The following ATG2B variants were observed in gnomAD, a reference collection of about 807,000 sequenced individuals.
The protein encoded by ATG2B is autophagy related 2B, also known as autophagy-related protein 2 homolog B.
ATG2B carries 121 observed loss-of-function variants against 241.3 expected under a neutral mutation model. That is an observed-to-expected ratio of 0.50 (90% CI 0.43 to 0.58). The LOEUF (loss-of-function observed/expected upper bound fraction) is 0.58, where lower values mean the gene tolerates loss of function less well. Among genes scored for constraint, ATG2B ranks in the 20% least tolerant of loss-of-function variants. The pLI is 0.00. For missense variants in ATG2B, 2,306 were observed against 2,491.6 expected, an observed-to-expected ratio of 0.93 and a Z score of 1.59; for synonymous variants, 858 against 876.6, an observed-to-expected ratio of 0.98 and a Z score of 0.37.
At chr14:96,344,852 T>C (rs1041027087) in intron 3 of ATG2B, 96 bp from the exon 4 acceptor site, 8 of 531,090 alleles carry the variant, frequency 1.5e-5, no homozygotes, top group Non-Finnish European at 2.5e-5. Flanking sequence ...ATAAGAACTT[T>C]TGTTTACAAA....
rs117614273 is a variant in ATG2B at position 96,283,033 on chromosome 14, T to A, written c.*2722A>T. 0.017 allele frequency: 2,659 copies of A among 152,328 alleles called. 36 individuals are homozygous for A. The highest frequency in any genetic ancestry group is 0.048 in the Middle Eastern group (14 of 294). The allele number at this position is 152,328 out of a possible 1,614,324, so 9.4% of individuals were successfully genotyped here. On this transcript the variant is annotated 3_prime_UTR_variant, in exon 42 of 42. Transcript: ENST00000359933. ...GACATCTAGAAGAAACACTGAGTTA[T>A]CTAAAAGGCAATGTTCAGTGGTGGG...
chr14:96,344,614 T>TA (rs1194322091), intron 4 of ATG2B, 40 bp downstream of exon 4: 1 of 1,156,788 alleles, frequency 8.6e-7, no homozygotes, highest in Non-Finnish European at 1.3e-6. Flanking sequence ...ATATCAGAGT[T>TA]ACAATAGGGT....
chr14:96,291,609 T>A lies in ATG2B; in HGVS notation c.5570A>T (p.Tyr1857Phe). 1 of 1,599,392 alleles carries A rather than the reference T, an allele frequency of 6.3e-7. No individual in the cohort carries two copies. Among genetic ancestry groups the A allele is most frequent in the Non-Finnish European group, 8.5e-7 (1 of 1,170,358 alleles). The change falls in exon 38 of 42, where the codon TAT (tyrosine) becomes TTT (phenylalanine). Residue 1857 changes from tyrosine (Y) to phenylalanine (F), a missense_variant. Physicochemically the swap from Tyr to Phe is conservative, Grantham distance 22. Around this residue, in one of 2 missense-constraint regions of ATG2B, gnomAD observed 379 missense variants for 480.4 expected, o/e 0.79. Transcript: ENST00000359933. ...CSELKLKRLS[Y>F]RHGLLGVDKL... ...TAATAAATTCACTTACCCATGTCGA[T>A]AGGAAAGCCTCTTGAGCTTTAGTTC...
rs370871728 is a variant in ATG2B at position 96,308,204 on chromosome 14, A to G, written c.4303+1249T>C. Among the ~76,000 whole-genome samples the G allele has an allele frequency of 3.8e-5, 5 of 132,908 alleles. No homozygotes were observed. In the East Asian group the frequency reaches 1.1e-3, roughly 28 times the overall value. 87.2% of individuals were successfully genotyped at this position (132,908 alleles called of 152,430 possible). On this transcript the variant is annotated intron_variant, in intron 29 of 41. Transcript: ENST00000359933. The stretch of plus-strand genomic sequence containing the variant: ...AATACATAAATATATATATACATAT[A>G]TATATAAATACATAAATATATATAT...
Position 96,332,583 on chromosome 14 carries a change from T to A in ATG2B, c.1280A>T (p.Asp427Val), listed in dbSNP as rs1372814264. Reference sequence around the variant, plus strand: ...TAACTCAAGGTCCATGTTTGGGGGGTCCCCAAGGGGTGGAAGAGAAGAGAG... The same window carrying A: ...TAACTCAAGGTCCATGTTTGGGGGGACCCCAAGGGGTGGAAGAGAAGAGAG... ...HSLSSLPPLG[D>V]PPNMDLELSL... Residue 427 changes from aspartate (D) to valine (V), a missense_variant, in exon 9 of 42, where the codon GAC becomes GTC. By Grantham distance (152) the Asp-to-Val change is radical (BLOSUM62 -3). Coordinates refer to ENST00000359933, the MANE Select transcript of ATG2B (RefSeq NM_018036.7). The A allele has an allele frequency of 3.7e-6, 6 of 1,610,012 alleles. No homozygotes were observed. The African/African-American group carries it at 4.0e-5, about 11-fold the overall frequency.
At chr14:96,298,389 ACTTAT>A (rs1170146170) in intron 34 of ATG2B, among the ~76,000 whole-genome samples, 3 of 152,338 alleles carry the variant, frequency 2.0e-5, no homozygotes, top group Middle Eastern at 3.4e-3. Context: ...CTCAACATAT[ACTTAT>A]CTTATGACCC....
Position 96,328,472 on chromosome 14 carries a change from C to A in ATG2B, c.2038G>T (p.Val680Leu). The change falls in exon 14 of 42, where the codon GTG becomes TTG. Residue 680 changes from valine (V) to leucine (L), a missense_variant. Transcript: ENST00000359933. ...KAELQIKLNP[V>L]CCELDISIVD... ...ATACTGATATCCAGCTCACAACACA[C>A]TGGATTTAATTTAATTTGCAATTCT... 6.2e-7 allele frequency: 1 copy of A among 1,613,062 alleles called. No homozygotes were observed. The highest frequency in any genetic ancestry group is 8.5e-7 in the Non-Finnish European group (1 of 1,179,806).
intron 29 of ATG2B, among the ~76,000 whole-genome samples, chr14:96,308,239 T>TATATACATATATAC (rs1887022147): frequency 2.9e-4 from 5 of 17,476 alleles, no homozygotes; most frequent in Non-Finnish European, 6.3e-4. Flanking sequence ...TACATATATA[T>TATATACATATATAC]ATATATATAT....
chr14:96,308,282 A>ATATATATATATT (rs1566720002), intron 29 of ATG2B, among the ~76,000 whole-genome samples: 1 of 37,034 alleles, frequency 2.7e-5, no homozygotes, highest in Non-Finnish European at 5.1e-5. Flanking sequence ...ATATATATAT[A>ATATATATATATT]TTTTTTTTTT....
chr14:96,345,396 T>C lies in ATG2B; in HGVS notation c.326-11A>G, dbSNP rs1261749600. 1.9e-6 allele frequency: 3 copies of C among 1,580,138 alleles called. No homozygotes were observed. The highest frequency in any genetic ancestry group is 2.3e-5 in the East Asian group (1 of 43,720). On this transcript the variant is annotated splice_polypyrimidine_tract_variant and intron_variant, in intron 2 of 41. Coordinates refer to ENST00000359933, the MANE Select transcript of ATG2B (RefSeq NM_018036.7). ...GCTCAGAACCAGTTGCTGTGGAAAA[T>C]ATAAATTAATCCTAAATAATTTCTT...
Position 96,323,425 on chromosome 14 carries a change from G to GA in ATG2B, c.2540+470dup, listed in dbSNP as rs1338883981. On this transcript the variant is annotated intron_variant, in intron 16 of 41. Transcript: ENST00000359933. ...CCACCCATTGTTATAAGGAGGCATG[G>GA]AACCCTCAAAGAGAATAGCTGTGCT... 3.9e-5 allele frequency among the ~76,000 whole-genome samples: 6 copies of GA among 152,280 alleles called. No individual in the cohort carries two copies. The South Asian group carries it at 8.3e-4, about 21-fold the overall frequency.
Position 96,311,170 on chromosome 14 carries a change from G to C in ATG2B, c.4108C>G (p.Gln1370Glu). The change falls in exon 28 of 42, where the codon CAG (glutamine) becomes GAG (glutamate). Residue 1370 changes from glutamine to glutamate, a missense_variant. This residue lies in a region of ATG2B where 1,927 missense variants were observed against 2,011.2 expected (regional missense o/e 0.96). Transcript: ENST00000359933. ...IQYIASYGDL[Q>E]TPNKADMKPG... ...TTCATATCTGCCTTGTTAGGTGTCTGCAAGTCACCATAGCTTGCAATGTAC... is the reference window on the plus strand; with the variant it reads ...TTCATATCTGCCTTGTTAGGTGTCTCCAAGTCACCATAGCTTGCAATGTAC... 1 of 1,613,866 alleles carries C rather than the reference G, an allele frequency of 6.2e-7. No individual in the cohort carries two copies. Among genetic ancestry groups the C allele is most frequent in the Middle Eastern group, 1.7e-4 (1 of 6,060 alleles).
chr14:96,340,483 G>A (rs985855486), intron 6 of ATG2B, among the ~76,000 whole-genome samples: 2 of 151,976 alleles, frequency 1.3e-5, no homozygotes, highest in Non-Finnish European at 2.9e-5. Flanking sequence ...TCATAGGCAG[G>A]AGCTAAAAAA....
intron 29 of ATG2B, among the ~76,000 whole-genome samples, chr14:96,308,276 A>T (rs1246456754): frequency 0.016 from 438 of 27,100 alleles, 30 homozygotes; most frequent in African/African-American, 0.065. Flanking sequence ...ATATATATAT[A>T]TATATATTTT....
intron 34 of ATG2B, among the ~76,000 whole-genome samples, chr14:96,297,283 A>G (rs1264609165): frequency 6.6e-6 from 1 of 151,498 alleles, no homozygotes; most frequent in African/African-American, 2.4e-5. Context: ...TCAGGTATCA[A>G]TTTCCTCTTT....
At chr14:96,344,401 G>C (rs1888119490) in intron 4 of ATG2B, among the ~76,000 whole-genome samples, 1 of 152,118 alleles carries the variant, frequency 6.6e-6, no homozygotes, top group Admixed American at 6.6e-5. Flanking sequence ...ATTCTGATCT[G>C]ATATTAACTA....
At position 96,286,038 on chromosome 14, in the gene ATG2B, G is replaced by A. The variant is rs1052599704; in HGVS notation, c.6007-53C>T. The stretch of plus-strand genomic sequence containing the variant: ...GGAGGGCAGTGAACAAACTCTGGTC[G>A]GAAAACTCTCTAAGCTATCCTGCAG... On this transcript the variant is annotated intron_variant, in intron 41 of 41. Transcript: ENST00000359933. 43 of 1,448,466 alleles carry A rather than the reference G, an allele frequency of 3.0e-5. No individual in the cohort carries two copies. In the Admixed American group the frequency reaches 6.0e-4, roughly 20 times the overall value. The allele number at this position is 1,448,466 out of a possible 1,614,324, so 89.7% of individuals were successfully genotyped here. A position where few individuals can be genotyped will look rare whatever the true frequency, so the allele number is the denominator to read the frequency against.
In ATG2B at chr14:96,361,675, A is replaced by T. The variant is rs548629629; in HGVS notation, c.162+1140T>A. Among the ~76,000 whole-genome samples the T allele has an allele frequency of 3.3e-5, 5 of 152,166 alleles. No individual in the cohort carries two copies. In the South Asian group the frequency reaches 1.0e-3, roughly 32 times the overall value. ...TTTACTGAACTCAGGTGAATTGCTA[A>T]GTCCATTATCACTCGGCTAATTGTG... On this transcript the variant is annotated intron_variant, in intron 1 of 41. Transcript: ENST00000359933.
At position 96,283,301 on chromosome 14, in the gene ATG2B, A is replaced by T. The variant is rs1886247354; in HGVS notation, c.*2454T>A. 2.2e-5 allele frequency: 1 copy of T among 45,936 alleles called. No individual in the cohort carries two copies. The highest frequency in any genetic ancestry group is 2.7e-4 in the African/African-American group (1 of 3,680). The allele number at this position is 45,936 out of a possible 1,614,324, so 2.8% of individuals were successfully genotyped here. On this transcript the variant is annotated 3_prime_UTR_variant, in exon 42 of 42. Coordinates refer to ENST00000359933, the MANE Select transcript of ATG2B (RefSeq NM_018036.7). Reference sequence around the variant, plus strand: ...GATCTACTCTAGTCAGAAGCATGACACCAACCCAACCACCCAGGCACAGTG... The same window carrying T: ...GATCTACTCTAGTCAGAAGCATGACTCCAACCCAACCACCCAGGCACAGTG...
Sources: allele counts gnomAD v4.1 joint callset (sites outside exome capture counted in the v4.1 genomes callset), GRCh38; gene constraint gnomAD v4.1.1; regional missense constraint gnomAD v4.1.1; transcripts MANE v1.5; gene names NCBI Gene and HGNC (gene_info 2026-07-23, HGNC 2026-07-21).